RBFOX1: variants seen among roughly 807,000 people sequenced by gnomAD.
RBFOX1 encodes the protein RNA binding fox-1 homolog 1, also known as RNA binding protein fox-1 homolog 1.
A neutral mutation model predicts 57.7 loss-of-function variants in RBFOX1; 8 were observed. The observed-to-expected ratio is 0.14, with a 90% confidence interval of 0.08 to 0.25. RBFOX1 has a LOEUF of 0.25. RBFOX1 is among the 10% of genes least tolerant of loss of function. The pLI is 1.00. For missense variants in RBFOX1, 611 were observed against 548.5 expected (o/e 1.11, Z -1.14); for synonymous variants, 326 against 222.4 (o/e 1.47, Z -4.15).
At chr16:6,743,635 T>C (rs557920153) in intron 3 of RBFOX1, among the ~76,000 whole-genome samples, 1 of 151,798 alleles carries the variant, frequency 6.6e-6, no homozygotes, top group East Asian at 2.0e-4. Flanking sequence ...CCCAGCTACG[T>C]GGGAGGCTGA....
intron 2 of RBFOX1, among the ~76,000 whole-genome samples, chr16:6,406,177 C>T (rs1292775586): frequency 6.6e-6 from 1 of 152,234 alleles, no homozygotes; most frequent in Non-Finnish European, 1.5e-5. Context: ...ATGCTTTTCA[C>T]TGAAACAGAA....
At chr16:5,750,110 T>C (rs566560953) in intron 3 of RBFOX1, among the ~76,000 whole-genome samples, 1 of 152,336 alleles carries the variant, frequency 6.6e-6, no homozygotes, top group African/African-American at 2.4e-5. Flanking sequence ...TGCAGGTCTG[T>C]TGGAGTTTGC....
At position 7,413,337 on chromosome 16, in the gene RBFOX1, T is replaced by C. The variant is rs1169163422; in HGVS notation, c.28-104810T>C. 2.0e-5 allele frequency among the ~76,000 whole-genome samples: 3 copies of C among 151,998 alleles called. 1 individual carries two copies. The highest frequency in any genetic ancestry group is 4.4e-5 in the Non-Finnish European group (3 of 67,988). On this transcript the variant is annotated intron_variant, in intron 4 of 15. Transcript: ENST00000550418. ...CTGACCCCCTGCCTCCCTTCCCCAG[T>C]CTTCCTCTGTAGCAATGGGTCCCAC... is the stretch of plus-strand genomic sequence containing the variant.
At chr16:5,910,603 G>T (rs1254555933) in intron 4 of RBFOX1, among the ~76,000 whole-genome samples, 4 of 152,192 alleles carry the variant, frequency 2.6e-5, no homozygotes, top group Non-Finnish European at 4.4e-5. Flanking sequence ...GGCTAGCAGA[G>T]GCAGGGAAGG....
chr16:7,073,856 C>G (rs1426223290), intron 4 of RBFOX1, among the ~76,000 whole-genome samples: 1 of 151,314 alleles, frequency 6.6e-6, no homozygotes, highest in African/African-American at 2.4e-5. Context: ...GGCATTGTCT[C>G]ATAAAAATAA....
chr16:7,113,532 G>A (rs1374651264), intron 4 of RBFOX1, among the ~76,000 whole-genome samples: 3 of 152,002 alleles, frequency 2.0e-5, no homozygotes, highest in Non-Finnish European at 4.4e-5. Flanking sequence ...TAGATGTATT[G>A]TAACAGGAAT....
At chr16:6,953,145 T>C (rs1480378194) in intron 3 of RBFOX1, among the ~76,000 whole-genome samples, 1 of 152,164 alleles carries the variant, frequency 6.6e-6, no homozygotes, top group African/African-American at 2.4e-5. Context: ...TGTATGCCTC[T>C]TTCCACTGAA....
chr16:5,386,800 C>G (rs924596953), intron 1 of RBFOX1, among the ~76,000 whole-genome samples: 1 of 152,196 alleles, frequency 6.6e-6, no homozygotes, highest in South Asian at 2.1e-4. Context: ...CCTGTAACCC[C>G]AGCACTTTGG....
At chr16:5,500,195 T>TCCCTTCATTCCATTC (rs1555451054) in intron 2 of RBFOX1, among the ~76,000 whole-genome samples, 2 of 127,734 alleles carry the variant, frequency 1.6e-5, no homozygotes, top group African/African-American at 5.9e-5. Context: ...CTCCCTCCCT[T>TCCCTTCATTCCATTC]CATTCCATTC....
At chr16:7,343,310 TC>T (rs1225368615) in intron 4 of RBFOX1, among the ~76,000 whole-genome samples, 1 of 152,030 alleles carries the variant, frequency 6.6e-6, no homozygotes, top group East Asian at 1.9e-4. Context: ...ATCCAGATGT[TC>T]CCCCAAAGCT....
At chr16:7,035,735 A>C (rs914631663) in intron 3 of RBFOX1, among the ~76,000 whole-genome samples, 3 of 152,294 alleles carry the variant, frequency 2.0e-5, no homozygotes, top group African/African-American at 7.2e-5. Flanking sequence ...AATTAACATG[A>C]ATGCCTGCTC....
intron 4 of RBFOX1, among the ~76,000 whole-genome samples, chr16:7,292,410 ATAT>A: frequency 7.2e-6 from 1 of 139,218 alleles, no homozygotes; most frequent in African/African-American, 2.7e-5. Flanking sequence ...GTAATGTATT[ATAT>A]TATATATATA....
At chr16:7,648,733 C>T (rs557670136) in intron 11 of RBFOX1, among the ~76,000 whole-genome samples, 3 of 152,208 alleles carry the variant, frequency 2.0e-5, no homozygotes, top group East Asian at 3.9e-4. Context: ...ATAGGTGTTA[C>T]CTGTCTGGGG....
intron 4 of RBFOX1, among the ~76,000 whole-genome samples, chr16:7,149,615 A>G (rs1567462983): frequency 6.6e-6 from 1 of 151,170 alleles, no homozygotes; most frequent in Non-Finnish European, 1.5e-5. Context: ...CCTCCTGAGT[A>G]GCTGGGATTA....
chr16:6,998,581 AT>A (rs1285599318), intron 3 of RBFOX1, among the ~76,000 whole-genome samples: 1 of 152,156 alleles, frequency 6.6e-6, no homozygotes, highest in Non-Finnish European at 1.5e-5. Flanking sequence ...TAGGATTTTA[AT>A]TTGGTTATAT....
At chr16:6,813,347 G>T (rs1004906661) in intron 3 of RBFOX1, among the ~76,000 whole-genome samples, 1 of 152,100 alleles carries the variant, frequency 6.6e-6, no homozygotes, top group South Asian at 2.1e-4. Flanking sequence ...TCATGTAACT[G>T]CCTTCAGAAG....
At chr16:7,205,535 GA>G (rs150088415) in intron 4 of RBFOX1, among the ~76,000 whole-genome samples, 1 of 149,304 alleles carries the variant, frequency 6.7e-6, no homozygotes, top group African/African-American at 2.5e-5. Flanking sequence ...AAAAGAAAAA[GA>G]AAAAAAAGAA....
chr16:7,425,218 T>G (rs1219005658), intron 4 of RBFOX1, among the ~76,000 whole-genome samples: 1 of 152,200 alleles, frequency 6.6e-6, no homozygotes, highest in African/African-American at 2.4e-5. Flanking sequence ...CCATTGTTGT[T>G]TAATGCTTCA....
chr16:6,763,530 G>A (rs2076924230), intron 3 of RBFOX1, among the ~76,000 whole-genome samples: 1 of 152,180 alleles, frequency 6.6e-6, no homozygotes, highest in African/African-American at 2.4e-5. Flanking sequence ...TTGGGTTATA[G>A]CAACAGAGAA....
Sources: allele counts gnomAD v4.1 joint callset (sites outside exome capture counted in the v4.1 genomes callset), GRCh38; gene constraint gnomAD v4.1.1; transcripts MANE v1.5; gene names NCBI Gene and HGNC (gene_info 2026-07-23, HGNC 2026-07-21).